Variants in SGIP1 observed in about 807,000 individuals in gnomAD.
SGIP1 encodes SH3-containing GRB2-like protein 3-interacting protein 1.
A neutral mutation model predicts 107.5 loss-of-function variants in SGIP1; 38 were observed. The observed-to-expected ratio is 0.35, with a 90% CI of 0.27 to 0.46. The LOEUF is 0.46. SGIP1 is among the 20% of genes least tolerant of loss of function. The pLI is 1.00. For synonymous variants in SGIP1, 365 were observed against 366.1 expected, an observed-to-expected ratio of 1.00 and a Z score of 0.03; for missense variants, 929 against 1,019.5, an observed-to-expected ratio of 0.91 and a Z score of 1.21.
At chr1:66,728,360 G>A (rs531584181) in intron 19 of SGIP1, among the ~76,000 whole-genome samples, 2 of 152,290 alleles carry the variant, frequency 1.3e-5, no homozygotes, top group South Asian at 4.1e-4. Context: ...CTATTCATGA[G>A]GTGAAGCTAT....
At chr1:66,671,050 T>C (rs2149832876) in intron 10 of SGIP1, 31 bp downstream of exon 10, 4 of 1,206,828 alleles carry the variant, frequency 3.3e-6, no homozygotes, top group Non-Finnish European at 3.5e-6. Context: ...AGAAATAGTG[T>C]ATGATTTAAA....
At chr1:66,539,168 T>C (rs1358150103) in intron 1 of SGIP1, among the ~76,000 whole-genome samples, 2 of 152,222 alleles carry the variant, frequency 1.3e-5, no homozygotes, top group African/African-American at 2.4e-5. Flanking sequence ...TAAGGGATTA[T>C]TATGAATTTG....
intron 18 of SGIP1, among the ~76,000 whole-genome samples, chr1:66,706,313 A>C (rs935948566): frequency 3.5e-5 from 5 of 142,826 alleles, no homozygotes; most frequent in Admixed American, 1.4e-4. Flanking sequence ...TATACATAAA[A>C]TATAAACTAT....
rs372765518 is a variant in SGIP1 at position 66,750,003 on chromosome 1, C to CTCTA, written c.*6911_*6912insATCT. On this transcript the variant is annotated 3_prime_UTR_variant, in exon 25 of 25. Transcript: ENST00000371037. ...CTCCTATCTAATTCATATTCTCTCT[C>CTCTA]TCTCTCTCTCTCTTTCTCTGTGTGT... is the stretch of plus-strand genomic sequence containing the variant. Among the ~76,000 whole-genome samples, 4 of 150,772 alleles carry CTCTA rather than the reference C, an allele frequency of 2.7e-5. No homozygotes were observed. Among genetic ancestry groups the CTCTA allele is most frequent in the Admixed American group, 6.6e-5 (1 of 15,100 alleles).
At position 66,616,670 on chromosome 1, in the gene SGIP1, C is replaced by A. The variant is rs146504895; in HGVS notation, c.11-9177C>A. Among the ~76,000 whole-genome samples, 481 of 152,292 alleles carry A rather than the reference C, an allele frequency of 3.2e-3. 2 individuals are homozygous for A. Among genetic ancestry groups the A allele is most frequent in the African/African-American group, 0.011 (456 of 41,562 alleles). On this transcript the variant is annotated intron_variant, in intron 1 of 24. Transcript: ENST00000371037. The stretch of plus-strand genomic sequence containing the variant: ...TAGCTTAACAGAAGTTGACCACCTG[C>A]TTAAAATTCTTCCCAATTATATTCA...
intron 12 of SGIP1, among the ~76,000 whole-genome samples, chr1:66,675,531 C>CTTTTTTTT (rs1467845348): frequency 8.3e-5 from 6 of 72,034 alleles, no homozygotes; most frequent in South Asian, 1.6e-3. Flanking sequence ...TTTTCTTTTT[C>CTTTTTTTT]TTTTTCTTTC....
At chr1:66,715,212 G>A (rs2093165809) in intron 18 of SGIP1, among the ~76,000 whole-genome samples, 1 of 152,118 alleles carries the variant, frequency 6.6e-6, no homozygotes, top group South Asian at 2.1e-4. Context: ...ATAACAAATA[G>A]TTGTGGAAAA....
chr1:66,659,846 G>A (rs1245853955), intron 7 of SGIP1, among the ~76,000 whole-genome samples: 3 of 150,334 alleles, frequency 2.0e-5, no homozygotes, highest in Non-Finnish European at 4.4e-5. Context: ...GGAGTTGAGG[G>A]TTTCAGTGAG....
At chr1:66,649,043 C>T (rs193097025) in intron 7 of SGIP1, among the ~76,000 whole-genome samples, 56 of 152,328 alleles carry the variant, frequency 3.7e-4, no homozygotes, top group Non-Finnish European at 5.1e-4. Context: ...AAAAAAACCA[C>T]TTCTCCTTTT....
chr1:66,570,964 T>C (rs1363976111), intron 1 of SGIP1, among the ~76,000 whole-genome samples: 2 of 151,950 alleles, frequency 1.3e-5, no homozygotes, highest in Non-Finnish European at 2.9e-5. Flanking sequence ...CATACAGCAT[T>C]TGTAAAATCA....
chr1:66,737,796 C>CTGTTGTTTAGCTGTGTTTTTGT, intron 21 of SGIP1, among the ~76,000 whole-genome samples: 1 of 152,316 alleles, frequency 6.6e-6, no homozygotes, highest in Non-Finnish European at 1.5e-5. Flanking sequence ...ATCCCTTTTG[C>CTGTTGTTTAGCTGTGTTTTTGT]TGTTGTTTAG....
At chr1:66,683,691 G>C in intron 15 of SGIP1, among the ~76,000 whole-genome samples, 1 of 61,150 alleles carries the variant, frequency 1.6e-5, no homozygotes, top group East Asian at 1.2e-3. Context: ...CTGTTTGTTT[G>C]TTTCTTTTCT....
At chr1:66,730,587 T>A (rs1328922692) in intron 20 of SGIP1, among the ~76,000 whole-genome samples, 1 of 152,120 alleles carries the variant, frequency 6.6e-6, no homozygotes, top group Non-Finnish European at 1.5e-5. Context: ...CCCTCTCCAA[T>A]ACATTTCAAC....
In SGIP1 at chr1:66,739,532, A is replaced by G; in HGVS notation, c.2229A>G (p.Ala743=). ...VTKLQAVLPP[A]VWNAEQQRIL... is the part of the protein sequence containing the mutation. ...AGCTCCAGGCAGTGCTCCCACCAGC[A>G]GTCTGGTATGAAGCCTCCTATTCTC... Residue 743 remains alanine (A), a synonymous_variant, in exon 22 of 25, where the codon GCA becomes GCG. Transcript: ENST00000371037. The G allele has an allele frequency of 1.2e-6, 2 of 1,613,688 alleles. No individual in the cohort carries two copies. Among genetic ancestry groups the G allele is most frequent in the Middle Eastern group, 1.8e-4 (1 of 5,704 alleles).
At chr1:66,573,241 A>T (rs1205030277) in intron 1 of SGIP1, among the ~76,000 whole-genome samples, 1 of 150,912 alleles carries the variant, frequency 6.6e-6, no homozygotes, top group African/African-American at 2.5e-5. Context: ...CAGAATGGCT[A>T]TTACTAAAAA....
intron 1 of SGIP1, among the ~76,000 whole-genome samples, chr1:66,558,188 G>A (rs1470578734): frequency 6.6e-6 from 1 of 152,030 alleles, no homozygotes; most frequent in Non-Finnish European, 1.5e-5. Flanking sequence ...TGGAGACAAT[G>A]GCATTCATCT....
intron 19 of SGIP1, among the ~76,000 whole-genome samples, chr1:66,721,243 T>C (rs2093517167): frequency 6.6e-6 from 1 of 152,214 alleles, no homozygotes; most frequent in African/African-American, 2.4e-5. Context: ...GCTGTAGATA[T>C]GCTTTATTCA....
intron 7 of SGIP1, among the ~76,000 whole-genome samples, chr1:66,659,743 T>C (rs2080513961): frequency 6.6e-6 from 1 of 150,630 alleles, no homozygotes; most frequent in African/African-American, 2.4e-5. Context: ...GACCCTATCT[T>C]TACAAAAATA....
chr1:66,555,188 A>G lies in SGIP1; in HGVS notation c.10+20820A>G, dbSNP rs529241729. Reference sequence around the variant, plus strand: ...TGCACATATTCCCAGGCTCTACCCAACTTCCCTCCTAGTCCTTCATGTGTG... The same window carrying G: ...TGCACATATTCCCAGGCTCTACCCAGCTTCCCTCCTAGTCCTTCATGTGTG... On this transcript the variant is annotated intron_variant, in intron 1 of 24. Transcript: ENST00000371037. Among the ~76,000 whole-genome samples the G allele has an allele frequency of 1.1e-4, 17 of 152,034 alleles. No homozygotes were observed. The East Asian group carries it at 3.1e-3, about 28-fold the overall frequency.
Sources: gnomAD v4.1 joint callset for allele counts (sites outside exome capture counted in the v4.1 genomes callset) on GRCh38, gnomAD v4.1.1 for gene constraint, MANE v1.5 for transcripts, NCBI Gene and HGNC (gene_info 2026-07-23, HGNC 2026-07-21) for gene names.